The following RBM47 variants were observed in gnomAD, a reference collection of about 807,000 sequenced individuals.
RBM47 encodes RNA binding motif protein 47.
A neutral mutation model predicts 47.1 loss-of-function variants in RBM47; 21 were observed. The observed-to-expected ratio is 0.45, with a 90% CI of 0.32 to 0.64. RBM47 has a LOEUF of 0.64. RBM47 is among the 30% of genes least tolerant of loss of function. The pLI is 0.05. For missense variants in RBM47, 708 were observed against 870.9 expected, an observed-to-expected ratio of 0.81 and a Z score of 2.35; for synonymous variants, 375 against 361.7, an observed-to-expected ratio of 1.04 and a Z score of -0.42.
intron 3 of RBM47, among the ~76,000 whole-genome samples, chr4:40,451,709 G>C (rs547451237): frequency 2.0e-5 from 3 of 152,324 alleles, no homozygotes; most frequent in South Asian, 2.1e-4. Context: ...CAATGATGTG[G>C]TAAAATAAAT....
At chr4:40,482,168 G>C (rs1720523885) in intron 2 of RBM47, among the ~76,000 whole-genome samples, 1 of 152,230 alleles carries the variant, frequency 6.6e-6, no homozygotes, top group African/African-American at 2.4e-5. Flanking sequence ...ACCACAATCA[G>C]GTGAAGAGTA....
rs1428035462 is a variant in RBM47, at chr4:40,437,910, C to T, written c.984G>A (p.Gln328=). The T allele has an allele frequency of 6.2e-7, 1 of 1,613,936 alleles. No homozygotes were observed. The highest frequency in any genetic ancestry group is 1.1e-5 in the South Asian group (1 of 91,074). ...CCGCGCCGCCGCCCCTGGCTGCCTTCTGGTAGCGCGAGTACTGCTCCTTGT... is the reference window on the plus strand; with the variant it reads ...CCGCGCCGCCGCCCCTGGCTGCCTTTTGGTAGCGCGAGTACTGCTCCTTGT... ...PVDKEQYSRY[Q]KAARGGGAAE... Residue 328 remains glutamine (Q), a synonymous_variant, in exon 4 of 7, where the codon CAG becomes CAA. Transcript: ENST00000295971.
At chr4:40,520,016 GA>G (rs1253315971) in intron 2 of RBM47, among the ~76,000 whole-genome samples, 1 of 142,968 alleles carries the variant, frequency 7.0e-6, no homozygotes, top group Non-Finnish European at 1.5e-5. Context: ...TGCTCACTTT[GA>G]AATCTACTGA....
chr4:40,470,459 C>T (rs1187500103), intron 2 of RBM47, among the ~76,000 whole-genome samples: 1 of 152,168 alleles, frequency 6.6e-6, no homozygotes, highest in Non-Finnish European at 1.5e-5. Context: ...CTGGCATCAT[C>T]TTAGTTTGCC....
chr4:40,609,050 G>A (rs1354352862), intron 1 of RBM47, among the ~76,000 whole-genome samples: 3 of 152,042 alleles, frequency 2.0e-5, no homozygotes, highest in Non-Finnish European at 2.9e-5. Flanking sequence ...CTGGAGTGCG[G>A]TGGCATGATC....
At chr4:40,550,501 C>T (rs376573729) in intron 1 of RBM47, among the ~76,000 whole-genome samples, 1 of 152,160 alleles carries the variant, frequency 6.6e-6, no homozygotes, top group African/African-American at 2.4e-5. Context: ...TCACTGCAAC[C>T]TCATCCTCCT....
At chr4:40,576,256 TGGG>T (rs72400279) in intron 1 of RBM47, among the ~76,000 whole-genome samples, 3 of 117,796 alleles carry the variant, frequency 2.5e-5, no homozygotes, top group Non-Finnish European at 3.4e-5. Context: ...TTTTTTTTTT[TGGG>T]GGGGGGCGGA....
At chr4:40,623,441 C>A (rs994791348) in intron 1 of RBM47, among the ~76,000 whole-genome samples, 1 of 152,218 alleles carries the variant, frequency 6.6e-6, no homozygotes, top group African/African-American at 2.4e-5. Context: ...AAAAGCCACA[C>A]TGCTGTGATT....
chr4:40,606,155 G>A (rs1735740277), intron 1 of RBM47, among the ~76,000 whole-genome samples: 3 of 149,446 alleles, frequency 2.0e-5, no homozygotes, highest in South Asian at 2.1e-4. Context: ...CCAAGATCAC[G>A]TTACTGCACT....
At chr4:40,626,588 TC>T (rs1737758838) in intron 1 of RBM47, among the ~76,000 whole-genome samples, 1 of 152,184 alleles carries the variant, frequency 6.6e-6, no homozygotes, top group Non-Finnish European at 1.5e-5. Context: ...CTTTCTACTT[TC>T]GCTGGAAAAT....
intron 2 of RBM47, among the ~76,000 whole-genome samples, chr4:40,492,222 T>C (rs541139938): frequency 2.6e-5 from 4 of 151,640 alleles, no homozygotes; most frequent in African/African-American, 7.3e-5. Context: ...TACAAAAACA[T>C]AGCCAGGCCT....
At chr4:40,576,253 TTTTGG>T (rs1352960699) in intron 1 of RBM47, among the ~76,000 whole-genome samples, 1 of 76,304 alleles carries the variant, frequency 1.3e-5, no homozygotes, top group Non-Finnish European at 2.6e-5. Context: ...TTTTTTTTTT[TTTTGG>T]GGGGGGGCGG....
At chr4:40,498,446 C>T (rs1285540694) in intron 2 of RBM47, among the ~76,000 whole-genome samples, 1 of 151,982 alleles carries the variant, frequency 6.6e-6, no homozygotes, top group Non-Finnish European at 1.5e-5. Context: ...CCTGTAATCC[C>T]TGCGGGGGGA....
At chr4:40,556,021 G>A (rs1217025835) in intron 1 of RBM47, among the ~76,000 whole-genome samples, 1 of 150,616 alleles carries the variant, frequency 6.6e-6, no homozygotes, top group Non-Finnish European at 1.5e-5. Flanking sequence ...ACCTGCTAAA[G>A]ACCTGAAAAG....
intron 1 of RBM47, among the ~76,000 whole-genome samples, chr4:40,546,878 C>A (rs919447225): frequency 6.6e-6 from 1 of 152,130 alleles, no homozygotes; most frequent in Non-Finnish European, 1.5e-5. Context: ...AGTCTGCAGC[C>A]CACACATCAG....
rs963099461 is a variant in RBM47 at position 40,476,805 on chromosome 4, A to C, written c.-154-10106T>G. On this transcript the variant is annotated intron_variant, in intron 2 of 6. Transcript: ENST00000295971. ...AGCTCTGCAGCACATCAAGAGAGGA[A>C]GGAGAAACTAACTCCTCCTAAAACA... Among the ~76,000 whole-genome samples, 14 of 152,194 alleles carry C rather than the reference A, an allele frequency of 9.2e-5. 1 individual carries two copies. The highest frequency in any genetic ancestry group is 3.4e-4 in the African/African-American group (14 of 41,452).
chr4:40,499,960 T>C (rs1421530807), intron 2 of RBM47, among the ~76,000 whole-genome samples: 1 of 152,232 alleles, frequency 6.6e-6, no homozygotes, highest in Non-Finnish European at 1.5e-5. Context: ...AACACCTTTG[T>C]ATTTGGGGTA....
intron 1 of RBM47, among the ~76,000 whole-genome samples, chr4:40,546,515 T>C (rs1269740375): frequency 6.6e-6 from 1 of 152,116 alleles, no homozygotes; most frequent in Non-Finnish European, 1.5e-5. Context: ...CTGTGACAAA[T>C]GTCTCATTCC....
chr4:40,574,344 T>C (rs1359498203), intron 1 of RBM47, among the ~76,000 whole-genome samples: 1 of 152,246 alleles, frequency 6.6e-6, no homozygotes, highest in Middle Eastern at 3.2e-3. Context: ...GACTTTTATT[T>C]GTTTGATTCC....
Sources: allele counts gnomAD v4.1 joint callset (sites outside exome capture counted in the v4.1 genomes callset), GRCh38; gene constraint gnomAD v4.1.1; transcripts MANE v1.5; gene names NCBI Gene and HGNC (gene_info 2026-07-23, HGNC 2026-07-21).